Variants in BRINP3 observed in about 807,000 individuals in gnomAD.
BRINP3 encodes BMP/retinoic acid-inducible neural-specific protein 3.
A neutral mutation model predicts 71.0 loss-of-function variants in BRINP3; 19 were observed. That is an observed-to-expected ratio of 0.27 (90% confidence interval 0.19 to 0.39). The LOEUF is 0.39. Ranked by LOEUF, BRINP3 falls within the 10% of genes least tolerant of loss-of-function variation. BRINP3 has a pLI of 1.00. For synonymous variants in BRINP3, 380 were observed against 337.7 expected (o/e 1.13, Z -1.37); for missense variants, 959 against 940.8 (o/e 1.02, Z -0.25).
chr1:190,167,425 T>C (rs1450625867), intron 6 of BRINP3, among the ~76,000 whole-genome samples: 1 of 152,138 alleles, frequency 6.6e-6, no homozygotes, highest in African/African-American at 2.4e-5. Flanking sequence ...TATGCCTGCA[T>C]ATAATTGAAT....
At chr1:190,436,860 A>T (rs879609272) in intron 2 of BRINP3, among the ~76,000 whole-genome samples, 2 of 151,854 alleles carry the variant, frequency 1.3e-5, no homozygotes, top group Non-Finnish European at 3.0e-5. Context: ...AGCATATGTT[A>T]TGCACATGTC....
chr1:190,322,201 A>G (rs1666289924), intron 2 of BRINP3, among the ~76,000 whole-genome samples: 1 of 152,022 alleles, frequency 6.6e-6, no homozygotes, highest in Admixed American at 6.6e-5. Context: ...GATCCTAAAA[A>G]TTTGTTTTGC....
chr1:190,184,967 G>A (rs1653381851), intron 6 of BRINP3, among the ~76,000 whole-genome samples: 1 of 152,048 alleles, frequency 6.6e-6, no homozygotes, highest in Non-Finnish European at 1.5e-5. Flanking sequence ...AACTCAAAGT[G>A]GATTAAAGAC....
intron 5 of BRINP3, among the ~76,000 whole-genome samples, chr1:190,233,314 C>T (rs1658185603): frequency 6.6e-6 from 1 of 151,938 alleles, no homozygotes; most frequent in Non-Finnish European, 1.5e-5. Flanking sequence ...GCCTCAGCCT[C>T]CTGAGTAGCT....
At chr1:190,132,528 G>A (rs565087313) in intron 7 of BRINP3, among the ~76,000 whole-genome samples, 10 of 152,020 alleles carry the variant, frequency 6.6e-5, no homozygotes, top group East Asian at 3.9e-4. Flanking sequence ...GAGCATAAAC[G>A]TTAAATATTC....
chr1:190,186,068 A>T (rs1653489529), intron 6 of BRINP3, among the ~76,000 whole-genome samples: 1 of 152,078 alleles, frequency 6.6e-6, no homozygotes, highest in Admixed American at 6.6e-5. Flanking sequence ...GGTCATTTAT[A>T]TATATATTTT....
chr1:190,377,305 T>C (rs1412194749), intron 2 of BRINP3, among the ~76,000 whole-genome samples: 2 of 151,842 alleles, frequency 1.3e-5, no homozygotes, highest in Non-Finnish European at 2.9e-5. Context: ...TTTTAATCCC[T>C]TTAGACCGTT....
At chr1:190,422,756 A>G (rs763994453) in intron 2 of BRINP3, among the ~76,000 whole-genome samples, 6 of 151,872 alleles carry the variant, frequency 4.0e-5, no homozygotes, top group Non-Finnish European at 7.4e-5. Flanking sequence ...ACCTCATTCG[A>G]AAACTAGAGT....
chr1:190,115,646 C>A (rs1653068260), intron 7 of BRINP3, among the ~76,000 whole-genome samples: 1 of 152,120 alleles, frequency 6.6e-6, no homozygotes, highest in Admixed American at 6.5e-5. Flanking sequence ...AACATCCCGA[C>A]TCTCTGCCTC....
At chr1:190,217,955 A>G (rs1656549884) in intron 6 of BRINP3, among the ~76,000 whole-genome samples, 1 of 152,064 alleles carries the variant, frequency 6.6e-6, no homozygotes, top group East Asian at 1.9e-4. Flanking sequence ...TAAACACATA[A>G]CATGTAGTGA....
At chr1:190,125,932 C>G (rs776783364) in intron 7 of BRINP3, among the ~76,000 whole-genome samples, 1 of 151,952 alleles carries the variant, frequency 6.6e-6, no homozygotes, top group African/African-American at 2.4e-5. Context: ...AGTAGTCACA[C>G]AGAACCACAG....
At chr1:190,418,492 A>G (rs1673150940) in intron 2 of BRINP3, among the ~76,000 whole-genome samples, 1 of 152,104 alleles carries the variant, frequency 6.6e-6, no homozygotes, top group Non-Finnish European at 1.5e-5. Flanking sequence ...TTCTTGGTAA[A>G]TGTTTAAATT....
intron 2 of BRINP3, among the ~76,000 whole-genome samples, chr1:190,360,403 G>A (rs1229324380): frequency 1.3e-5 from 2 of 152,126 alleles, no homozygotes; most frequent in Non-Finnish European, 2.9e-5. Flanking sequence ...TTGCTGTGGA[G>A]GCAGATTTGC....
At chr1:190,463,277 CTT>C (rs1273338970) in intron 1 of BRINP3, among the ~76,000 whole-genome samples, 1 of 151,634 alleles carries the variant, frequency 6.6e-6, no homozygotes, top group Admixed American at 6.6e-5. Flanking sequence ...TGAGATGACA[CTT>C]AATATTTTGC....
At position 190,212,484 on chromosome 1, in the gene BRINP3, A is replaced by T. The variant is rs557030829; in HGVS notation, c.961+13598T>A. 6.6e-5 allele frequency among the ~76,000 whole-genome samples: 10 copies of T among 152,222 alleles called. 1 individual carries two copies. The South Asian group carries it at 1.9e-3, about 28-fold the overall frequency. On this transcript the variant is annotated intron_variant, in intron 6 of 7. Transcript: ENST00000367462. ...AGAAGACTGGAAAACATGAGATAGC[A>T]AGAGAAAAATTTATATATCCTCATC...
intron 6 of BRINP3, among the ~76,000 whole-genome samples, chr1:190,183,136 T>C (rs1256178889): frequency 6.6e-6 from 1 of 151,984 alleles, no homozygotes; most frequent in African/African-American, 2.4e-5. Context: ...TTTTCAAGCA[T>C]GTTCATAATT....
At chr1:190,235,417 T>C (rs1182891305) in intron 4 of BRINP3, among the ~76,000 whole-genome samples, 1 of 152,050 alleles carries the variant, frequency 6.6e-6, no homozygotes, top group Non-Finnish European at 1.5e-5. Flanking sequence ...CAATAAGATA[T>C]TCTTTATTAA....
At chr1:190,360,195 T>G (rs1264792788) in intron 2 of BRINP3, among the ~76,000 whole-genome samples, 1 of 152,200 alleles carries the variant, frequency 6.6e-6, no homozygotes, top group African/African-American at 2.4e-5. Flanking sequence ...TATTCAGCCT[T>G]TCTAAAGTGT....
intron 1 of BRINP3, among the ~76,000 whole-genome samples, chr1:190,460,264 A>G (rs1676297269): frequency 1.3e-5 from 2 of 150,504 alleles, no homozygotes; most frequent in Admixed American, 1.3e-4. Context: ...ATTATAAAAT[A>G]AAATATTTAT....
Sources: gnomAD v4.1 joint callset for allele counts (sites outside exome capture counted in the v4.1 genomes callset) on GRCh38, gnomAD v4.1.1 for gene constraint, MANE v1.5 for transcripts, NCBI Gene and HGNC (gene_info 2026-07-23, HGNC 2026-07-21) for gene names.